DGLUCY: variants seen among roughly 807,000 people sequenced by gnomAD.
DGLUCY encodes D-glutamate cyclase.
In DGLUCY, 58 loss-of-function variants were observed where a neutral mutation model predicts 58.5. The observed-to-expected ratio is 0.99, with a 90% CI of 0.80 to 1.23. DGLUCY has a LOEUF of 1.23. DGLUCY is among the 50% of genes most tolerant of loss of function. DGLUCY has a pLI of 0.00. For synonymous variants in DGLUCY, 325 were observed against 314.1 expected (o/e 1.03, Z -0.37); for missense variants, 779 against 784.7 (o/e 0.99, Z 0.09).
chr14:91,221,651 G>C (rs1312010643), intron 13 of DGLUCY, among the ~76,000 whole-genome samples: 2 of 152,120 alleles, frequency 1.3e-5, no homozygotes, highest in African/African-American at 4.8e-5. Flanking sequence ...TGCTTTGATG[G>C]ATGGGTGATG....
chr14:91,132,812 A>G lies in DGLUCY; in HGVS notation c.-82+18529A>G, dbSNP rs77680878. On this transcript the variant is annotated intron_variant, in intron 1 of 13. Transcript: ENST00000256324. ...TCATCTTCCCAAACTGCAACTCCTCAGTCATCCCTCCCTTCCCCCAGCCCC... is the reference window on the plus strand; with the variant it reads ...TCATCTTCCCAAACTGCAACTCCTCGGTCATCCCTCCCTTCCCCCAGCCCC... 9.3e-3 allele frequency among the ~76,000 whole-genome samples: 1,415 copies of G among 152,042 alleles called. 16 individuals are homozygous for G. Among genetic ancestry groups the G allele is most frequent in the African/African-American group, 0.032 (1,307 of 41,484 alleles).
At chr14:91,223,652 A>G (rs1178084289) in intron 13 of DGLUCY, 15 of 1,273,616 alleles carry the variant, frequency 1.2e-5, no homozygotes, top group Non-Finnish European at 1.5e-5. Flanking sequence ...GGAGGATCAA[A>G]CCACTTTTTT....
chr14:91,213,002 A>T (rs1431867856), intron 12 of DGLUCY, among the ~76,000 whole-genome samples: 2 of 102,846 alleles, frequency 1.9e-5, no homozygotes, highest in African/African-American at 1.0e-4. Flanking sequence ...CTCCGTCTCT[A>T]AAAAAAAAAA....
intron 9 of DGLUCY, among the ~76,000 whole-genome samples, chr14:91,193,489 A>G (rs1342784460): frequency 6.6e-6 from 1 of 152,188 alleles, no homozygotes; most frequent in Non-Finnish European, 1.5e-5. Flanking sequence ...AGTAAAAGCA[A>G]TTTGGCCTTT....
chr14:91,189,495 A>G (rs113911451), intron 9 of DGLUCY, among the ~76,000 whole-genome samples: 110 of 152,268 alleles, frequency 7.2e-4, no homozygotes, highest in African/African-American at 2.5e-3. Context: ...GCAGCCCTGG[A>G]CCACCAGAGC....
intron 1 of DGLUCY, among the ~76,000 whole-genome samples, chr14:91,069,079 CT>C (rs1441823945): frequency 1.3e-5 from 2 of 151,926 alleles, no homozygotes; most frequent in East Asian, 1.9e-4. Context: ...AAAAGTGATT[CT>C]TTTTTTTAGT....
At chr14:91,074,760 A>C (rs1344967673) in intron 1 of DGLUCY, among the ~76,000 whole-genome samples, 3 of 152,192 alleles carry the variant, frequency 2.0e-5, no homozygotes, top group African/African-American at 7.2e-5. Context: ...TTCTCTGAAG[A>C]GGCAAAATGT....
chr14:91,139,407 G>A (rs142572055), intron 1 of DGLUCY, among the ~76,000 whole-genome samples: 27 of 152,256 alleles, frequency 1.8e-4, no homozygotes, highest in Middle Eastern at 3.4e-3. Flanking sequence ...TAACCAGACC[G>A]GGCGTGTTGG....
At chr14:91,060,568 G>A (rs1041676056) in exon 1 of DGLUCY, 56 of 1,142,672 alleles carry the variant, frequency 4.9e-5, no homozygotes, top group Non-Finnish European at 5.9e-5. Context: ...ACGCAAAGAC[G>A]AGTCTCTTTC....
At chr14:91,204,572 G>T in intron 11 of DGLUCY, 134 bp from the exon 12 acceptor site, 1 of 1,230,002 alleles carries the variant, frequency 8.1e-7, no homozygotes, top group Non-Finnish European at 1.1e-6. Context: ...ACAACTCCTG[G>T]TTGTCTGAAA....
intron 1 of DGLUCY, among the ~76,000 whole-genome samples, chr14:91,102,763 G>GTA (rs1248010513): frequency 6.6e-6 from 1 of 150,890 alleles, no homozygotes; most frequent in African/African-American, 2.4e-5. Flanking sequence ...GTGTGTGTGT[G>GTA]TGTGTGTGTG....
chr14:91,117,598 G>GA, intron 1 of DGLUCY, among the ~76,000 whole-genome samples: 1 of 151,466 alleles, frequency 6.6e-6, no homozygotes, highest in Non-Finnish European at 1.5e-5. Flanking sequence ...CATAGTACAT[G>GA]AAAAGTGTTT....
intron 1 of DGLUCY, among the ~76,000 whole-genome samples, chr14:91,156,139 A>C (rs2047607619): frequency 6.9e-6 from 1 of 144,808 alleles, no homozygotes; most frequent in African/African-American, 2.6e-5. Context: ...TTTGAGATGG[A>C]GTCTCGCTCT....
rs76622094 is a variant in DGLUCY at position 91,123,181 on chromosome 14, G to A, written c.-82+8898G>A. On this transcript the variant is annotated intron_variant, in intron 1 of 13. Coordinates refer to ENST00000256324, the MANE Select transcript of DGLUCY (RefSeq NM_001102368.3). ...CATGAGTACCTGGATCATCACAGAG[G>A]AGTCAATCCATTTTTATAGGTCTAA... is the stretch of plus-strand genomic sequence containing the variant. Among the ~76,000 whole-genome samples the A allele has an allele frequency of 3.0e-3, 460 of 152,246 alleles. 2 individuals are homozygous for A. Among genetic ancestry groups the A allele is most frequent in the African/African-American group, 0.01 (433 of 41,548 alleles).
intron 3 of DGLUCY, among the ~76,000 whole-genome samples, chr14:91,166,336 G>T (rs2048280509): frequency 6.6e-6 from 1 of 152,272 alleles, no homozygotes; most frequent in African/African-American, 2.4e-5. Context: ...GCAGGGTGGT[G>T]TACACTTTTT....
At chr14:91,144,703 A>G (rs563567628) in intron 1 of DGLUCY, among the ~76,000 whole-genome samples, 1 of 152,280 alleles carries the variant, frequency 6.6e-6, no homozygotes, top group African/African-American at 2.4e-5. Context: ...GGACCCTCAA[A>G]TGAAAATTGG....
chr14:91,106,999 A>G (rs2044604070), upstream of DGLUCY, among the ~76,000 whole-genome samples: 1 of 152,182 alleles, frequency 6.6e-6, no homozygotes. Flanking sequence ...TATTTGAGTG[A>G]ATCAAGATTC....
At chr14:91,108,516 TGTGTGTGTGTGAGA>T (rs2044631894) in intron 1 of DGLUCY, among the ~76,000 whole-genome samples, 1 of 89,960 alleles carries the variant, frequency 1.1e-5, no homozygotes, top group African/African-American at 3.8e-5. Context: ...TGTGTGTGTG[TGTGTGTGTGTGAGA>T]GAGAGAGAGA....
At chr14:91,174,480 A>AT (rs1218826615) in intron 6 of DGLUCY, among the ~76,000 whole-genome samples, 5 of 151,916 alleles carry the variant, frequency 3.3e-5, no homozygotes, top group African/African-American at 1.2e-4. Context: ...TAATTTTTGT[A>AT]TTTTTAGTAG....
Sources: gnomAD v4.1 joint callset for allele counts (sites outside exome capture counted in the v4.1 genomes callset) on GRCh38, gnomAD v4.1.1 for gene constraint, MANE v1.5 for transcripts, NCBI Gene and HGNC (gene_info 2026-07-23, HGNC 2026-07-21) for gene names.